ACACA: variants seen among roughly 807,000 people sequenced by gnomAD.
ACACA encodes acetyl-CoA carboxylase alpha.
ACACA carries 103 observed loss-of-function variants against 296.1 expected under a neutral mutation model. The observed-to-expected ratio is 0.35, with a 90% CI of 0.30 to 0.41. The LOEUF (loss-of-function observed/expected upper bound fraction) is 0.41, where lower values mean the gene tolerates loss of function less well. ACACA is among the 10% of genes least tolerant of loss of function. The pLI is 1.00. For synonymous variants in ACACA, 953 were observed against 1,038.6 expected (o/e 0.92, Z 1.58); for missense variants, 1,554 against 2,989.7 (o/e 0.52, Z 11.20).
chr17:37,280,989 C>T (rs539730336), intron 5 of ACACA, among the ~76,000 whole-genome samples: 1 of 152,072 alleles, frequency 6.6e-6, no homozygotes, highest in East Asian at 1.9e-4. Context: ...TTCTCTCCCC[C>T]CAATTGCTTC....
Position 37,097,988 on chromosome 17 carries a change from C to T in ACACA, c.6566-4G>A. On this transcript the variant is annotated splice_region_variant and splice_polypyrimidine_tract_variant and intron_variant, in intron 52 of 55. Coordinates refer to ENST00000616317, the MANE Select transcript of ACACA (RefSeq NM_198834.3). The surrounding 1 kb of genome is among the most constrained non-coding windows in gnomAD (Gnocchi z 4.8). ...GCTGTGCTTAGCTCTGGGGTCCCTGCAATTAGATAAACATGCCCGTCACAC... is the reference window on the plus strand; with the variant it reads ...GCTGTGCTTAGCTCTGGGGTCCCTGTAATTAGATAAACATGCCCGTCACAC... 2 of 1,614,158 alleles carry T rather than the reference C, an allele frequency of 1.2e-6. No individual in the cohort carries two copies. Among genetic ancestry groups the T allele is most frequent in the Non-Finnish European group, 1.7e-6 (2 of 1,180,030 alleles).
Position 37,111,656 on chromosome 17 carries a change from G to A in ACACA, c.6453-13C>T. The A allele has an allele frequency of 6.2e-7, 1 of 1,602,986 alleles. No homozygotes were observed. Among genetic ancestry groups the A allele is most frequent in the Non-Finnish European group, 8.5e-7 (1 of 1,170,082 alleles). On this transcript the variant is annotated splice_polypyrimidine_tract_variant and intron_variant, in intron 51 of 55. Coordinates refer to ENST00000616317, the MANE Select transcript of ACACA (RefSeq NM_198834.3). ...CAGAACAGATCCCCTGGATCAGAAA[G>A]AAAGAAAAAACAAAACAGAAATAGA...
intron 25 of ACACA, among the ~76,000 whole-genome samples, chr17:37,234,475 G>A (rs942152696): frequency 6.6e-6 from 1 of 151,968 alleles, no homozygotes; most frequent in African/African-American, 2.4e-5. Flanking sequence ...ACAATAATCC[G>A]AGCTTAGATT....
At chr17:37,362,946 G>T (rs2049458920) in intron 1 of ACACA, among the ~76,000 whole-genome samples, 1 of 142,126 alleles carries the variant, frequency 7.0e-6, no homozygotes, top group Non-Finnish European at 1.5e-5. Context: ...CTGCACTCCA[G>T]CCTGGCGACA....
At chr17:37,370,335 G>A (rs1400526929) in intron 1 of ACACA, among the ~76,000 whole-genome samples, 3 of 151,698 alleles carry the variant, frequency 2.0e-5, no homozygotes, top group Admixed American at 1.3e-4. Context: ...GGTGAGGAGT[G>A]ACTGGGAGAA....
At position 37,188,366 on chromosome 17, in the gene ACACA, T is replaced by C. The variant is rs2077617553; in HGVS notation, c.4687A>G (p.Ile1563Val). ...NIRLTPTGKA[I>V]PIRLFLTNES... ...TTTGTCAGGAAGAGGCGGATGGGAA[T>C]TGCTTTTCCAGTTGGCGTCAGGCGA... The change falls in exon 39 of 56, where the codon ATT becomes GTT. Residue 1563 changes from isoleucine to valine, a missense_variant. Around this residue, in one of 16 missense-constraint regions of ACACA, gnomAD observed 553 missense variants for 1,043.6 expected, o/e 0.53. Coordinates refer to ENST00000616317, the MANE Select transcript of ACACA (RefSeq NM_198834.3). The C allele has an allele frequency of 3.1e-6, 5 of 1,614,138 alleles. No individual in the cohort carries two copies. The highest frequency in any genetic ancestry group is 4.2e-6 in the Non-Finnish European group (5 of 1,180,014).
Position 37,206,830 on chromosome 17 carries a change from G to C in ACACA, c.3901C>G (p.Pro1301Ala), listed in dbSNP as rs902896581. 10 of 1,613,806 alleles carry C rather than the reference G, an allele frequency of 6.2e-6. No individual in the cohort carries two copies. The highest frequency in any genetic ancestry group is 1.3e-5 in the African/African-American group (1 of 74,916). The change falls in exon 32 of 56, where the codon CCC becomes GCC. Residue 1301 changes from proline (P) to alanine (A), a missense_variant. Coordinates refer to ENST00000616317, the MANE Select transcript of ACACA (RefSeq NM_198834.3). ...GTGTGACCTGCCTCAGGGAATGTGG[G>C]ACTCTGGGGTGGGGAGTCAGAGAAG... ...GCFSDSPPQS[P>A]TFPEAGHTSL...
At chr17:37,260,745 G>GAAAAGAAAAGAAAGA (rs368451808) in intron 11 of ACACA, among the ~76,000 whole-genome samples, 2 of 151,616 alleles carry the variant, frequency 1.3e-5, no homozygotes, top group Non-Finnish European at 2.9e-5. Flanking sequence ...GAAAAGAAAG[G>GAAAAGAAAAGAAAGA]AAAAGAAAAG....
chr17:37,310,809 A>G (rs558025737), intron 3 of ACACA, among the ~76,000 whole-genome samples: 1 of 151,564 alleles, frequency 6.6e-6, no homozygotes, highest in Non-Finnish European at 1.5e-5. Flanking sequence ...AAAAAAAAAA[A>G]AAAAAGAAAG....
chr17:37,094,576 C>A (rs905122268), intron 54 of ACACA, among the ~76,000 whole-genome samples: 273 of 98,316 alleles, frequency 2.8e-3, no homozygotes, highest in Non-Finnish European at 5.1e-3. Context: ...AGAACCACCC[C>A]CCCCCCCCCA....
Position 37,149,982 on chromosome 17 carries a change from A to C in ACACA, c.5569-8T>G. ...AATGGCCCGGCACGTCACCTTAGAA[A>C]AGAATAAATTCTACATGTCACATAT... On this transcript the variant is annotated splice_region_variant and splice_polypyrimidine_tract_variant and intron_variant, in intron 44 of 55. Transcript: ENST00000616317. The C allele has an allele frequency of 1.9e-6, 3 of 1,613,220 alleles. No homozygotes were observed. The highest frequency in any genetic ancestry group is 1.3e-5 in the African/African-American group (1 of 75,032).
rs1352822152 is a variant in ACACA, at chr17:37,113,361, C to T, written c.6275-96G>A. 1 of 1,317,004 alleles carries T rather than the reference C, an allele frequency of 7.6e-7. No homozygotes were observed. Among genetic ancestry groups the T allele is most frequent in the African/African-American group, 1.4e-5 (1 of 69,148 alleles). The allele number at this position is 1,317,004 out of a possible 1,614,324, so 81.6% of individuals were successfully genotyped here. On this transcript the variant is annotated intron_variant, in intron 50 of 55. Coordinates refer to ENST00000616317, the MANE Select transcript of ACACA (RefSeq NM_198834.3). The surrounding 1 kb of genome is among the most constrained non-coding windows in gnomAD (Gnocchi z 4.0). ...CAGGACCTCTGGCCACGAAGAGCCT[C>T]CTTATACTATGCCTCCTGTTTGGCC...
Position 37,244,691 on chromosome 17 carries a change from G to T in ACACA, c.2639C>A (p.Ala880Glu). ...TCGATGGAGTTTCTCGCCTCTGAGTGCCGTGCTCTGGATCCGTGGCAGACT... is the reference window on the plus strand; with the variant it reads ...TCGATGGAGTTTCTCGCCTCTGAGTTCCGTGCTCTGGATCCGTGGCAGACT... ...TGSLPRIQST[A>E]LRGEKLHRVF... The change falls in exon 21 of 56, where the codon GCA becomes GAA. Residue 880 changes from alanine (A) to glutamate (E), a missense_variant. Physicochemically the swap from Ala to Glu is moderately radical, Grantham distance 107. Coordinates refer to ENST00000616317, the MANE Select transcript of ACACA (RefSeq NM_198834.3). 1 of 1,614,166 alleles carries T rather than the reference G, an allele frequency of 6.2e-7. No homozygotes were observed. Among genetic ancestry groups the T allele is most frequent in the Non-Finnish European group, 8.5e-7 (1 of 1,180,024 alleles).
intron 52 of ACACA, among the ~76,000 whole-genome samples, chr17:37,103,865 T>C (rs916900999): frequency 7.9e-5 from 12 of 151,946 alleles, no homozygotes; most frequent in African/African-American, 2.4e-4. Flanking sequence ...AGCGAGACCC[T>C]GTCTTTCCTC....
chr17:37,121,349 A>C lies in ACACA; in HGVS notation c.6274+6T>G, dbSNP rs1239065496. The C allele has an allele frequency of 1.2e-6, 2 of 1,614,058 alleles. No homozygotes were observed. The highest frequency in any genetic ancestry group is 1.7e-5 in the Admixed American group (1 of 60,014). On this transcript the variant is annotated splice_donor_region_variant and intron_variant, in intron 50 of 55. Transcript: ENST00000616317. ...TGCCCCTCCAGCCCACAGGCAGCCC[A>C]GTCACCTTTCATTCCACCAGAGAAG...
chr17:37,128,823 T>C (rs570904905), intron 47 of ACACA, among the ~76,000 whole-genome samples: 1 of 152,354 alleles, frequency 6.6e-6, no homozygotes, highest in East Asian at 1.9e-4. Context: ...ACTTACAAAG[T>C]AGCCTTCTAT....
intron 45 of ACACA, among the ~76,000 whole-genome samples, chr17:37,136,921 C>T (rs1413318527): frequency 4.0e-5 from 6 of 149,944 alleles, no homozygotes; most frequent in African/African-American, 9.9e-5. Flanking sequence ...CCAGCCTGAG[C>T]GACAGAGCGA....
chr17:37,325,199 CA>C (rs570719773), intron 3 of ACACA, among the ~76,000 whole-genome samples: 472 of 98,278 alleles, frequency 4.8e-3, no homozygotes, highest in Admixed American at 5.5e-3. Context: ...GACTCCCTCT[CA>C]AAAAAAAAAA....
chr17:37,243,568 A>C lies in ACACA; in HGVS notation c.2743-9T>G, dbSNP rs2080527321. On this transcript the variant is annotated splice_polypyrimidine_tract_variant and intron_variant, in intron 21 of 55. Transcript: ENST00000616317. The stretch of plus-strand genomic sequence containing the variant: ...TCTACCCAGTCTTTTACCTAGAAAG[A>C]AAGCATTGGTAAAATAGGACCCAAG... 9 of 1,613,564 alleles carry C rather than the reference A, an allele frequency of 5.6e-6. No individual in the cohort carries two copies. The highest frequency in any genetic ancestry group is 3.3e-5 in the South Asian group (3 of 91,056).
Sources: allele counts gnomAD v4.1 joint callset (sites outside exome capture counted in the v4.1 genomes callset), GRCh38; gene constraint gnomAD v4.1.1; regional missense constraint gnomAD v4.1.1; non-coding constraint Gnocchi (gnomAD v3.1); transcripts MANE v1.5; gene names NCBI Gene and HGNC (gene_info 2026-07-23, HGNC 2026-07-21).